Variants in AOX1 observed in about 807,000 individuals in gnomAD.
AOX1 encodes aldehyde oxidase.
A neutral mutation model predicts 169.5 loss-of-function variants in AOX1; 153 were observed. That is an observed-to-expected ratio of 0.90 (90% CI 0.79 to 1.03). AOX1 has a LOEUF of 1.03. Among genes scored for constraint, AOX1 ranks in the 50% least tolerant of loss-of-function variants. The probability of loss-of-function intolerance (pLI) is 0.00; values close to 1 mark genes in which losing one functional copy is unlikely to be tolerated. For synonymous variants in AOX1, 562 were observed against 581.9 expected, an observed-to-expected ratio of 0.97 and a Z score of 0.49; for missense variants, 1,656 against 1,663.9, an observed-to-expected ratio of 1.00 and a Z score of 0.08.
chr2:200,626,294 A>G (rs2035003424), intron 19 of AOX1, among the ~76,000 whole-genome samples: 1 of 152,178 alleles, frequency 6.6e-6, no homozygotes, highest in African/African-American at 2.4e-5. Flanking sequence ...CCAGTTTTTG[A>G]ATGGGGGAAA....
At chr2:200,610,665 G>T (rs991881016) in intron 12 of AOX1, among the ~76,000 whole-genome samples, 13 of 151,898 alleles carry the variant, frequency 8.6e-5, no homozygotes, top group Admixed American at 7.9e-4. Context: ...TGGGGTTCCT[G>T]GTTATAAACA....
chr2:200,618,717 C>T (rs7598198), intron 16 of AOX1, among the ~76,000 whole-genome samples: 3 of 152,084 alleles, frequency 2.0e-5, no homozygotes, highest in African/African-American at 7.2e-5. Flanking sequence ...GCACTCTTCT[C>T]GAGTTCCTGG....
Position 200,597,404 on chromosome 2 carries a change from C to T in AOX1, c.208C>T (p.Pro70Ser). The T allele has an allele frequency of 3.7e-6, 6 of 1,602,770 alleles. No homozygotes were observed. The highest frequency in any genetic ancestry group is 5.1e-6 in the Non-Finnish European group (6 of 1,174,170). The part of the protein sequence containing the change: ...NPITKRIRHH[P>S]ANACLIPICS... ...TTCTTTTGCATTCTGAAGGCATCACCCAGCCAATGCCTGTCTGATTCCCAT... is the reference window on the plus strand; with the variant it reads ...TTCTTTTGCATTCTGAAGGCATCACTCAGCCAATGCCTGTCTGATTCCCAT... Residue 70 changes from proline to serine, a missense_variant, in exon 4 of 35, where the codon CCA becomes TCA. Pro to Ser is a moderately conservative substitution (Grantham distance 74). Coordinates refer to ENST00000374700, the MANE Select transcript of AOX1 (RefSeq NM_001159.4).
chr2:200,662,712 A>G lies in AOX1; in HGVS notation c.3429-143A>G. On this transcript the variant is annotated intron_variant, in intron 30 of 34. Coordinates refer to ENST00000374700, the MANE Select transcript of AOX1 (RefSeq NM_001159.4). The stretch of plus-strand genomic sequence containing the variant: ...AAATACTTATTTATTCAACACATTT[A>G]TCGCACATACATTAGGTGCTGGCAC... 11 of 624,322 alleles carry G rather than the reference A, an allele frequency of 1.8e-5. 1 individual carries two copies. The allele number at this position is 624,322 out of a possible 1,614,324, so 38.7% of individuals were successfully genotyped here. A position where few individuals can be genotyped will look rare whatever the true frequency, so the allele number is the denominator to read the frequency against.
rs73987794 is a variant in AOX1, at chr2:200,611,303, T to C, written c.1154-81T>C. 657 of 943,544 alleles carry C rather than the reference T, an allele frequency of 7.0e-4. 2 individuals are homozygous for C. In the African/African-American group the frequency reaches 8.3e-3, roughly 12 times the overall value. The allele number at this position is 943,544 out of a possible 1,614,324, so 58.4% of individuals were successfully genotyped here. Reference sequence around the variant, plus strand: ...TGAACAACCGGTTTCCTCAGGTATTTGGTAGAATTACTTCCTAAGTTTTGG... The same window carrying C: ...TGAACAACCGGTTTCCTCAGGTATTCGGTAGAATTACTTCCTAAGTTTTGG... On this transcript the variant is annotated intron_variant, in intron 12 of 34. Coordinates refer to ENST00000374700, the MANE Select transcript of AOX1 (RefSeq NM_001159.4).
rs1387760790 is a variant in AOX1, at chr2:200,668,630, A to C, written c.3625A>C (p.Ile1209Leu). The change falls in exon 33 of 35, where the codon ATT becomes CTT. Residue 1209 changes from isoleucine to leucine, a missense_variant. Transcript: ENST00000374700. ...IDIGQIEGAF[I>L]QGMGLYTIEE... is the part of the protein sequence containing the mutation. Reference sequence around the variant, plus strand: ...CTTGCCTCAGATTGAAGGTGCATTTATTCAAGGCATGGGACTTTATACAAT... The same window carrying C: ...CTTGCCTCAGATTGAAGGTGCATTTCTTCAAGGCATGGGACTTTATACAAT... The C allele has an allele frequency of 6.2e-7, 1 of 1,605,590 alleles. No individual in the cohort carries two copies. Among genetic ancestry groups the C allele is most frequent in the Non-Finnish European group, 8.5e-7 (1 of 1,176,632 alleles).
intron 16 of AOX1, among the ~76,000 whole-genome samples, chr2:200,617,822 A>G (rs2034795786): frequency 6.6e-6 from 1 of 152,206 alleles, no homozygotes; most frequent in African/African-American, 2.4e-5. Flanking sequence ...GAGCCCAAGC[A>G]GCATCACAGC....
At chr2:200,603,388 T>A in intron 7 of AOX1, 32 bp downstream of exon 7, 1 of 1,557,884 alleles carries the variant, frequency 6.4e-7, no homozygotes. Context: ...TATAAGGCTT[T>A]CTCAGGACAT....
Position 200,604,088 on chromosome 2 carries a change from T to A in AOX1, c.660T>A (p.Pro220=). The A allele has an allele frequency of 4.4e-6, 7 of 1,608,778 alleles. No individual in the cohort carries two copies. The highest frequency in any genetic ancestry group is 2.7e-5 in the African/African-American group (2 of 74,926). The change falls in exon 8 of 35, where the codon CCT becomes CCA. Residue 220 remains proline, a synonymous_variant. Transcript: ENST00000374700. ...CAACCCAGGAACTGATATTTCCTCCTGAGCTAATGGTGAGTAAAGCAATGT... is the reference window on the plus strand; with the variant it reads ...CAACCCAGGAACTGATATTTCCTCCAGAGCTAATGGTGAGTAAAGCAATGT... ...LDPTQELIFP[P]ELMIMAEKQS... is the part of the protein sequence containing the mutation.
rs1193281210 is a variant in AOX1, at chr2:200,637,048, A to G, written c.2480+4A>G. ...TCACTGCATTTGCCGCAAACAAGTA[A>G]GTGGAGAAAATCTGCTAAAAATAAA... is the stretch of plus-strand genomic sequence containing the variant. On this transcript the variant is annotated splice_donor_region_variant and intron_variant, in intron 22 of 34. Transcript: ENST00000374700. 6.2e-7 allele frequency: 1 copy of G among 1,613,796 alleles called. No individual in the cohort carries two copies. Among genetic ancestry groups the G allele is most frequent in the Non-Finnish European group, 8.5e-7 (1 of 1,179,866 alleles).
chr2:200,630,045 A>C (rs2035084168), intron 20 of AOX1, among the ~76,000 whole-genome samples: 3 of 151,992 alleles, frequency 2.0e-5, no homozygotes, highest in Admixed American at 6.6e-5. Context: ...GTTTGACACC[A>C]ACCTGGTCAA....
At chr2:200,626,338 GTGT>G (rs1219640542) in intron 19 of AOX1, among the ~76,000 whole-genome samples, 1 of 152,188 alleles carries the variant, frequency 6.6e-6, no homozygotes, top group African/African-American at 2.4e-5. Flanking sequence ...CCTCTAAGGG[GTGT>G]TGTCTAGACA....
At chr2:200,659,669 T>C (rs958956517) in intron 28 of AOX1, among the ~76,000 whole-genome samples, 1 of 152,100 alleles carries the variant, frequency 6.6e-6, no homozygotes, top group African/African-American at 2.4e-5. Context: ...CGGAGTGAAT[T>C]TTCTCACAAA....
At chr2:200,605,216 T>G (rs2034490702) in intron 9 of AOX1, among the ~76,000 whole-genome samples, 1 of 152,154 alleles carries the variant, frequency 6.6e-6, no homozygotes, top group East Asian at 1.9e-4. Flanking sequence ...ATGTTTTACT[T>G]AAACAACCGC....
At chr2:200,659,945 G>A (rs768511069) in intron 28 of AOX1, 50 bp from the exon 29 acceptor site, 2 of 1,389,754 alleles carry the variant, frequency 1.4e-6, no homozygotes, top group African/African-American at 2.9e-5. Flanking sequence ...TTTGAATTTG[G>A]TGTTTGCATG....
At position 200,651,137 on chromosome 2, in the gene AOX1, AG is replaced by A. The variant is rs2035573474; in HGVS notation, c.3012del (p.Gly1006AspfsTer7). Reference protein sequence around the residue: ...EKFNAENYWKKKGLAMVPLKF... With the variant: ...EKFNAENYWKXKGLAMVPLKF... ...TTCAATGCAGAGAATTATTGGAAGA[AG>A]AAAGGACTGGCCATGGTCCCCCTGA... On this transcript the variant is annotated frameshift_variant, in exon 26 of 35. Transcript: ENST00000374700. LOFTEE classifies it high-confidence loss of function. The A allele has an allele frequency of 6.2e-7, 1 of 1,614,104 alleles. No individual in the cohort carries two copies. Among genetic ancestry groups the A allele is most frequent in the African/African-American group, 1.3e-5 (1 of 74,936 alleles).
chr2:200,589,150 A>G (rs767186926), intron 1 of AOX1, among the ~76,000 whole-genome samples: 9 of 152,076 alleles, frequency 5.9e-5, no homozygotes, highest in Non-Finnish European at 1.0e-4. Context: ...TTTTTGCTAA[A>G]TTTTCTCAGG....
intron 32 of AOX1, among the ~76,000 whole-genome samples, chr2:200,667,466 C>G (rs1462565292): frequency 2.0e-5 from 3 of 148,772 alleles, no homozygotes; most frequent in African/African-American, 7.4e-5. Context: ...CCGCCCCCAC[C>G]ATCATGACAT....
chr2:200,668,936 A>C, intron 33 of AOX1, 133 bp downstream of exon 33: 2 of 732,158 alleles, frequency 2.7e-6, no homozygotes, highest in Non-Finnish European at 4.3e-6. Flanking sequence ...TAAACATTTT[A>C]ATTCTAATCT....
Sources: allele counts gnomAD v4.1 joint callset (sites outside exome capture counted in the v4.1 genomes callset), GRCh38; gene constraint gnomAD v4.1.1; transcripts MANE v1.5; gene names NCBI Gene and HGNC (gene_info 2026-07-23, HGNC 2026-07-21).